Variants in MARCHF1 observed in about 807,000 individuals in gnomAD.
The protein encoded by MARCHF1 is membrane associated ring-CH-type finger 1.
MARCHF1 carries 40 observed loss-of-function variants against 54.2 expected under a neutral mutation model. The ratio of observed to expected loss-of-function variants is 0.74; its 90% CI spans 0.57 to 0.96. MARCHF1 has a LOEUF of 0.96. MARCHF1 is among the 40% of genes least tolerant of loss of function. The pLI is 0.00. For synonymous variants in MARCHF1, 236 were observed against 236.3 expected (o/e 1.00, Z 0.01); for missense variants, 586 against 656.5 (o/e 0.89, Z 1.17).
intron 2 of MARCHF1, among the ~76,000 whole-genome samples, chr4:164,021,387 T>C (rs1228995925): frequency 6.6e-6 from 1 of 152,146 alleles, no homozygotes; most frequent in African/African-American, 2.4e-5. Flanking sequence ...CTGATACTAG[T>C]CTCAGAGTGC....
At chr4:163,848,825 A>G (rs1438747797) in intron 4 of MARCHF1, among the ~76,000 whole-genome samples, 2 of 152,162 alleles carry the variant, frequency 1.3e-5, no homozygotes, top group African/African-American at 4.8e-5. Flanking sequence ...TATATTCCGA[A>G]TTTAAAACAC....
intron 3 of MARCHF1, among the ~76,000 whole-genome samples, chr4:163,983,992 T>C (rs1752812495): frequency 6.6e-6 from 1 of 151,914 alleles, no homozygotes; most frequent in South Asian, 2.1e-4. Flanking sequence ...TTACTAAAAA[T>C]TACTAAAAAT....
chr4:164,281,129 C>T (rs77935846), intron 1 of MARCHF1, among the ~76,000 whole-genome samples: 3,424 of 152,186 alleles, frequency 0.022, 132 homozygotes, highest in African/African-American at 0.073. Context: ...TCTTCAGGTA[C>T]ATAGGCATCA....
chr4:163,786,892 T>C (rs1747637474), intron 4 of MARCHF1, among the ~76,000 whole-genome samples: 1 of 151,988 alleles, frequency 6.6e-6, no homozygotes, highest in Non-Finnish European at 1.5e-5. Flanking sequence ...TGCAGATATA[T>C]AGACCACTGG....
At chr4:164,181,942 G>T (rs1376756920) in intron 1 of MARCHF1, among the ~76,000 whole-genome samples, 1 of 152,074 alleles carries the variant, frequency 6.6e-6, no homozygotes, top group Non-Finnish European at 1.5e-5. Flanking sequence ...TCATTTGCCA[G>T]TGTCAGCTTT....
chr4:163,622,442 G>GAA (rs113206751), intron 5 of MARCHF1, among the ~76,000 whole-genome samples: 4,762 of 146,842 alleles, frequency 0.032, 186 homozygotes, highest in East Asian at 0.14. Flanking sequence ...CAGATCTTTT[G>GAA]AAAAAAAAAA....
chr4:164,168,617 C>T (rs1469783986), intron 1 of MARCHF1, among the ~76,000 whole-genome samples: 1 of 151,634 alleles, frequency 6.6e-6, no homozygotes, highest in Non-Finnish European at 1.5e-5. Flanking sequence ...TGAAGCAAGC[C>T]AGACACAGAA....
intron 4 of MARCHF1, among the ~76,000 whole-genome samples, chr4:163,742,759 C>G (rs1019251148): frequency 6.6e-6 from 1 of 152,038 alleles, no homozygotes; most frequent in African/African-American, 2.4e-5. Context: ...ATTATGGGTA[C>G]GCCCAGTACT....
chr4:164,309,208 G>GGAATCCTTCA (rs11282235), intron 1 of MARCHF1, among the ~76,000 whole-genome samples: 23,521 of 151,500 alleles, frequency 0.16, 2,694 homozygotes, highest in East Asian at 0.45. Context: ...GAAAAAAAAA[G>GGAATCCTTCA]GCATTATAAC....
intron 5 of MARCHF1, among the ~76,000 whole-genome samples, chr4:163,628,433 C>A (rs1327860643): frequency 2.6e-5 from 4 of 152,166 alleles, no homozygotes; most frequent in Non-Finnish European, 4.4e-5. Flanking sequence ...AAACCCACAG[C>A]CAGTATCATA....
intron 1 of MARCHF1, among the ~76,000 whole-genome samples, chr4:164,258,170 T>C (rs919803643): frequency 6.6e-6 from 1 of 152,062 alleles, no homozygotes; most frequent in Non-Finnish European, 1.5e-5. Context: ...ACCCCGCATG[T>C]TCTCACTCAT....
At chr4:163,826,180 A>G (rs918104323) in intron 4 of MARCHF1, among the ~76,000 whole-genome samples, 1 of 152,098 alleles carries the variant, frequency 6.6e-6, no homozygotes, top group African/African-American at 2.4e-5. Context: ...TTTACCTAGT[A>G]TAATTTATTT....
intron 4 of MARCHF1, among the ~76,000 whole-genome samples, chr4:163,717,168 C>A (rs1447321565): frequency 7.6e-6 from 1 of 131,416 alleles, no homozygotes; most frequent in Middle Eastern, 4.4e-3. Context: ...CATAACAGGC[C>A]CCAGTGTGTG....
chr4:163,763,312 T>C (rs1310635119), intron 4 of MARCHF1, among the ~76,000 whole-genome samples: 1 of 152,108 alleles, frequency 6.6e-6, no homozygotes, highest in Non-Finnish European at 1.5e-5. Flanking sequence ...AACATGCTTA[T>C]TCTCAGAGCT....
intron 2 of MARCHF1, among the ~76,000 whole-genome samples, chr4:164,020,456 G>A (rs1390273475): frequency 6.6e-6 from 1 of 152,188 alleles, no homozygotes; most frequent in Non-Finnish European, 1.5e-5. Flanking sequence ...TCTAGTCCTA[G>A]ATCTAAATCA....
chr4:164,305,875 A>C (rs1380301862), intron 1 of MARCHF1, among the ~76,000 whole-genome samples: 1 of 152,146 alleles, frequency 6.6e-6, no homozygotes, highest in Non-Finnish European at 1.5e-5. Flanking sequence ...CTGTGTCCCC[A>C]AAATATGTAA....
At chr4:164,351,896 C>T (rs1353863097) in intron 1 of MARCHF1, among the ~76,000 whole-genome samples, 79 of 143,500 alleles carry the variant, frequency 5.5e-4, no homozygotes, top group East Asian at 8.1e-4. Context: ...CTAGAAGAAC[C>T]AATACAGACA....
At chr4:163,920,105 T>C (rs758494570) in intron 3 of MARCHF1, among the ~76,000 whole-genome samples, 2 of 152,118 alleles carry the variant, frequency 1.3e-5, no homozygotes, top group East Asian at 1.9e-4. Context: ...AAATGTCCTA[T>C]GTAGGATTTG....
chr4:163,710,547 TAA>T (rs571650400), intron 4 of MARCHF1, among the ~76,000 whole-genome samples: 51 of 152,254 alleles, frequency 3.3e-4, no homozygotes, highest in African/African-American at 1.2e-3. Flanking sequence ...TACACACTTA[TAA>T]AAGACTCTCT....
Sources: gnomAD v4.1 joint callset for allele counts (sites outside exome capture counted in the v4.1 genomes callset) on GRCh38, gnomAD v4.1.1 for gene constraint, MANE v1.5 for transcripts, NCBI Gene and HGNC (gene_info 2026-07-23, HGNC 2026-07-21) for gene names.